Variants in TMCC1 observed in about 807,000 individuals in gnomAD.
The protein encoded by TMCC1 is transmembrane and coiled-coil domains protein 1.
TMCC1 carries 15 observed loss-of-function variants against 52.4 expected under a neutral mutation model. That is an observed-to-expected ratio of 0.29 (90% confidence interval 0.19 to 0.44). The LOEUF is 0.44. Among genes scored for constraint, TMCC1 ranks in the 20% least tolerant of loss-of-function variants. The pLI is 1.00. For missense variants in TMCC1, 503 were observed against 806.0 expected, an observed-to-expected ratio of 0.62 and a Z score of 4.55; for synonymous variants, 279 against 301.9, an observed-to-expected ratio of 0.92 and a Z score of 0.79.
intron 2 of TMCC1, among the ~76,000 whole-genome samples, chr3:129,833,433 GGTA>G (rs1218205794): frequency 2.6e-5 from 4 of 152,132 alleles, no homozygotes; most frequent in Non-Finnish European, 5.9e-5. Flanking sequence ...AGCCAGGCAT[GGTA>G]GTGCACACCT....
At chr3:129,774,948 T>C (rs2054907439) in intron 4 of TMCC1, among the ~76,000 whole-genome samples, 1 of 152,070 alleles carries the variant, frequency 6.6e-6, no homozygotes, top group Admixed American at 6.5e-5. Flanking sequence ...AATGCCATAA[T>C]TAAACCTGTC....
At chr3:129,870,179 G>C (rs1371906497) in intron 2 of TMCC1, among the ~76,000 whole-genome samples, 2 of 151,778 alleles carry the variant, frequency 1.3e-5, no homozygotes, top group Non-Finnish European at 2.9e-5. Flanking sequence ...TATTCTACTT[G>C]TCTACACATT....
intron 4 of TMCC1, among the ~76,000 whole-genome samples, chr3:129,810,556 A>G (rs899442376): frequency 2.6e-4 from 39 of 152,200 alleles, no homozygotes; most frequent in Non-Finnish European, 4.7e-4. Context: ...AACTTAAGCA[A>G]GTTCACCCTA....
chr3:129,815,660 G>A (rs570011625), intron 4 of TMCC1, among the ~76,000 whole-genome samples: 1 of 152,204 alleles, frequency 6.6e-6, no homozygotes, highest in East Asian at 1.9e-4. Context: ...GAAATCATTG[G>A]GGAAATGCTA....
chr3:129,739,951 T>C (rs2051316085), intron 4 of TMCC1, among the ~76,000 whole-genome samples: 1 of 152,266 alleles, frequency 6.6e-6, no homozygotes, highest in Admixed American at 6.5e-5. Context: ...TTGCTATTCC[T>C]CGTCATTTAT....
intron 5 of TMCC1, among the ~76,000 whole-genome samples, chr3:129,662,179 G>A (rs1039044446): frequency 1.3e-5 from 2 of 152,118 alleles, no homozygotes; most frequent in Non-Finnish European, 2.9e-5. Flanking sequence ...CGGGGCAGAG[G>A]AGATGGTGGG....
intron 4 of TMCC1, among the ~76,000 whole-genome samples, chr3:129,825,390 C>T (rs1159281969): frequency 6.6e-6 from 1 of 152,136 alleles, no homozygotes; most frequent in African/African-American, 2.4e-5. Flanking sequence ...GCCTAATATA[C>T]ACTGCTTTTC....
intron 1 of TMCC1, among the ~76,000 whole-genome samples, chr3:129,881,061 A>G (rs1040067589): frequency 6.6e-6 from 1 of 151,876 alleles, no homozygotes; most frequent in Non-Finnish European, 1.5e-5. Flanking sequence ...ACTGGGTTTC[A>G]CCATGTTGGC....
chr3:129,834,057 AGTG>A (rs2059043023), intron 2 of TMCC1, among the ~76,000 whole-genome samples: 1 of 152,226 alleles, frequency 6.6e-6, no homozygotes, highest in Non-Finnish European at 1.5e-5. Flanking sequence ...AAACTAAACA[AGTG>A]GTGAAGTGTG....
In TMCC1 at chr3:129,651,561, C is replaced by T. The variant is rs773204371; in HGVS notation, c.1882G>A (p.Val628Met). 7 of 1,614,210 alleles carry T rather than the reference C, an allele frequency of 4.3e-6. No homozygotes were observed. In the South Asian group the frequency reaches 5.5e-5, roughly 13 times the overall value. Residue 628 changes from valine to methionine, a missense_variant, in exon 7 of 7, where the codon GTG becomes ATG. Val to Met is a conservative substitution (Grantham distance 21). This residue lies in a region of TMCC1 where 50 missense variants were observed against 62.6 expected (regional missense o/e 0.80). Transcript: ENST00000393238. The surrounding 1 kb of genome is among the most constrained non-coding windows in gnomAD (Gnocchi z 5.1). ...RNRTFSTLFL[V>M]VFIAFLWKHW... ...TTCCAGAGAAAGGCAATAAAAACCA[C>T]AAGGAATAAAGTGCTGAACGTCCTG...
intron 1 of TMCC1, among the ~76,000 whole-genome samples, chr3:129,883,115 C>G (rs933374961): frequency 1.4e-5 from 2 of 147,208 alleles, no homozygotes; most frequent in Non-Finnish European, 3.0e-5. Context: ...GTGGTGAAAC[C>G]CTGCCTCTAC....
intron 4 of TMCC1, among the ~76,000 whole-genome samples, chr3:129,721,970 T>G (rs541716991): frequency 1.2e-4 from 18 of 152,354 alleles, no homozygotes; most frequent in African/African-American, 4.1e-4. Context: ...GTATCTAGAT[T>G]GTTATATTAA....
At chr3:129,818,185 C>T (rs964864511) in intron 4 of TMCC1, among the ~76,000 whole-genome samples, 4 of 151,848 alleles carry the variant, frequency 2.6e-5, no homozygotes, top group Non-Finnish European at 5.9e-5. Flanking sequence ...TCAAGTGATC[C>T]ACCCACCTCA....
At position 129,689,687 on chromosome 3, in the gene TMCC1, T is replaced by A. The variant is rs542788708; in HGVS notation, c.577-18423A>T. 3.3e-5 allele frequency among the ~76,000 whole-genome samples: 5 copies of A among 152,286 alleles called. No homozygotes were observed. The South Asian group carries it at 6.2e-4, about 19-fold the overall frequency. On this transcript the variant is annotated intron_variant, in intron 4 of 6. Transcript: ENST00000393238. The stretch of plus-strand genomic sequence containing the variant: ...CAGTATTCACCAGCTGCGTTTAACA[T>A]CTTTCACTTAAACCATACAAAGCCC...
At chr3:129,858,369 T>C (rs994250866) in intron 2 of TMCC1, among the ~76,000 whole-genome samples, 36 of 30,190 alleles carry the variant, frequency 1.2e-3, no homozygotes, top group Admixed American at 2.9e-3. Context: ...TAATTTCCCA[T>C]TTTACATTTT....
chr3:129,715,103 C>T (rs1287048633), intron 4 of TMCC1, among the ~76,000 whole-genome samples: 1 of 152,152 alleles, frequency 6.6e-6, no homozygotes, highest in East Asian at 1.9e-4. Flanking sequence ...CACACCCACC[C>T]TCCCACTCTT....
chr3:129,711,879 A>G lies in TMCC1; in HGVS notation c.577-40615T>C, dbSNP rs2048715199. Among the ~76,000 whole-genome samples, 2 of 150,330 alleles carry G rather than the reference A, an allele frequency of 1.3e-5. 1 individual carries two copies. Among genetic ancestry groups the G allele is most frequent in the African/African-American group, 4.9e-5 (2 of 40,960 alleles). ...CAGCTGGGCATGGTGGCACACATCT[A>G]TAATCCCAGCTACTAAGGAGGCTGA... is the stretch of plus-strand genomic sequence containing the variant. On this transcript the variant is annotated intron_variant, in intron 4 of 6. Transcript: ENST00000393238.
At chr3:129,892,921 C>A (rs2062040179) in intron 1 of TMCC1, among the ~76,000 whole-genome samples, 1 of 152,188 alleles carries the variant, frequency 6.6e-6, no homozygotes, top group Non-Finnish European at 1.5e-5. Flanking sequence ...CGAGACCAAG[C>A]CCAGCCAGCT....
intron 4 of TMCC1, among the ~76,000 whole-genome samples, chr3:129,815,116 A>G (rs2058032389): frequency 6.6e-6 from 1 of 152,126 alleles, no homozygotes; most frequent in Non-Finnish European, 1.5e-5. Context: ...TCTTTTCATC[A>G]CCACAAGGGA....
Sources: gnomAD v4.1 joint callset for allele counts (sites outside exome capture counted in the v4.1 genomes callset) on GRCh38, gnomAD v4.1.1 for gene constraint, gnomAD v4.1.1 regional missense constraint, Gnocchi (gnomAD v3.1) non-coding constraint, MANE v1.5 for transcripts, NCBI Gene and HGNC (gene_info 2026-07-23, HGNC 2026-07-21) for gene names.